Variants in TUSC3 observed in about 807,000 individuals in gnomAD.
TUSC3 encodes dolichyl-diphosphooligosaccharide--protein glycosyltransferase subunit TUSC3.
A neutral mutation model predicts 44.8 loss-of-function variants in TUSC3; 45 were observed. The observed-to-expected ratio is 1.00, with a 90% CI of 0.79 to 1.29. The LOEUF is 1.29. TUSC3 is among the 50% of genes most tolerant of loss of function. The pLI, the probability that TUSC3 is intolerant of heterozygous loss-of-function variation, is 0.00. For synonymous variants in TUSC3, 212 were observed against 152.9 expected (o/e 1.39, Z -2.85); for missense variants, 519 against 437.9 (o/e 1.19, Z -1.65).
Position 15,432,135 on chromosome 8 carries a change from T to C in TUSC3, n.91+14830T>C, listed in dbSNP as rs182262723. On this transcript the variant is annotated intron_variant and non_coding_transcript_variant, in intron 1 of 5. Coordinates refer to the TUSC3 transcript ENST00000503191. ...TAAAACTGGTCTCATAAAATGAGTATGGAAGTGTTCCTCCTCCTCAATCAT... is the reference window on the plus strand; with the variant it reads ...TAAAACTGGTCTCATAAAATGAGTACGGAAGTGTTCCTCCTCCTCAATCAT... Among the ~76,000 whole-genome samples the C allele has an allele frequency of 4.5e-3, 684 of 152,142 alleles. 6 individuals carry two copies. Among genetic ancestry groups the C allele is most frequent in the African/African-American group, 0.016 (665 of 41,538 alleles).
At chr8:15,623,305 T>C in intron 2 of TUSC3, 56 bp downstream of exon 2, 1 of 1,452,226 alleles carries the variant, frequency 6.9e-7, no homozygotes, top group South Asian at 1.5e-5. Context: ...TACATATATA[T>C]TTTTATGTTC....
Position 15,706,925 on chromosome 8 carries a change from A to C in TUSC3, c.799-23741A>C, listed in dbSNP as rs149568678. Among the ~76,000 whole-genome samples the C allele has an allele frequency of 2.0e-5, 3 of 151,980 alleles. No homozygotes were observed. In the East Asian group the frequency reaches 5.8e-4, roughly 29 times the overall value. On this transcript the variant is annotated intron_variant, in intron 6 of 10. Transcript: ENST00000503731. ...GCAAGAAGTTCATTCAGCCACCCAG[A>C]GCAACATAAAAAACTGATAATTAGG... is the stretch of plus-strand genomic sequence containing the variant.
intron 1 of TUSC3, among the ~76,000 whole-genome samples, chr8:15,460,958 G>C (rs562730800): frequency 1.3e-5 from 2 of 152,270 alleles, no homozygotes; most frequent in Non-Finnish European, 2.9e-5. Context: ...AAATCAGGTA[G>C]TGTGATGCCT....
At chr8:15,839,521 A>C in the TUSC3 span, among the ~76,000 whole-genome samples, 1 of 150,442 alleles carries the variant, frequency 6.6e-6, no homozygotes, top group African/African-American at 2.4e-5. Context: ...ACTCAAACAA[A>C]TTTACAAGAA....
At chr8:15,434,785 G>A (rs1799924528) in intron 1 of TUSC3, among the ~76,000 whole-genome samples, 1 of 151,872 alleles carries the variant, frequency 6.6e-6, no homozygotes, top group South Asian at 2.1e-4. Context: ...AACATGTGGT[G>A]TTTGGTTTTT....
the TUSC3 span, among the ~76,000 whole-genome samples, chr8:15,807,942 T>G: frequency 3.3e-5 from 5 of 152,154 alleles, no homozygotes; most frequent in African/African-American, 1.2e-4. Flanking sequence ...GACAGAGCAT[T>G]TGCATCCCCA....
rs557083778 is a variant in TUSC3, at chr8:15,553,834, G to A, written c.138+13266G>A. Among the ~76,000 whole-genome samples, 87 of 151,848 alleles carry A rather than the reference G, an allele frequency of 5.7e-4. 1 individual carries two copies. The South Asian group carries it at 0.018, about 31-fold the overall frequency. ...AGGTGACTGAGAAGGTAGGAGGAAG[G>A]AATGGGAAGTGGAGAACAGCTGACA... On this transcript the variant is annotated intron_variant, in intron 1 of 10. Transcript: ENST00000503731.
chr8:15,836,294 G>T, the TUSC3 span, among the ~76,000 whole-genome samples: 2 of 150,978 alleles, frequency 1.3e-5, no homozygotes, highest in Non-Finnish European at 2.9e-5. Context: ...TGACCATTGT[G>T]GTGAAACTCT....
At chr8:15,418,877 A>T (rs909140831) in intron 1 of TUSC3, among the ~76,000 whole-genome samples, 15 of 152,136 alleles carry the variant, frequency 9.9e-5, no homozygotes, top group African/African-American at 3.6e-4. Flanking sequence ...ATGGTGGCAC[A>T]TGCCTGTAGT....
the TUSC3 span, among the ~76,000 whole-genome samples, chr8:15,794,802 A>G: frequency 6.6e-6 from 1 of 152,174 alleles, no homozygotes; most frequent in Admixed American, 6.5e-5. Flanking sequence ...CCTTTATTAT[A>G]CGAGACAGCA....
the TUSC3 span, among the ~76,000 whole-genome samples, chr8:15,798,697 C>T: frequency 6.6e-6 from 1 of 152,064 alleles, no homozygotes; most frequent in Non-Finnish European, 1.5e-5. Flanking sequence ...AACTCATCAG[C>T]AGTCACACTG....
chr8:15,827,315 T>C, the TUSC3 span, among the ~76,000 whole-genome samples: 1 of 152,202 alleles, frequency 6.6e-6, no homozygotes, highest in African/African-American at 2.4e-5. Context: ...CTGAAGACAT[T>C]AAAAAATATT....
chr8:15,657,999 T>C (rs764788388), intron 3 of TUSC3, among the ~76,000 whole-genome samples: 72 of 152,198 alleles, frequency 4.7e-4, no homozygotes, highest in Non-Finnish European at 9.3e-4. Flanking sequence ...TGCACTTTTA[T>C]AATAGCACTC....
At chr8:15,703,068 A>G (rs1809470293) in intron 6 of TUSC3, among the ~76,000 whole-genome samples, 1 of 152,144 alleles carries the variant, frequency 6.6e-6, no homozygotes, top group Non-Finnish European at 1.5e-5. Flanking sequence ...TGCTGTAGGG[A>G]AAAACTGCTG....
At chr8:15,442,033 C>A (rs1800027610) in intron 1 of TUSC3, among the ~76,000 whole-genome samples, 1 of 152,176 alleles carries the variant, frequency 6.6e-6, no homozygotes, top group Non-Finnish European at 1.5e-5. Context: ...AATCATATAA[C>A]TGACTGGGCT....
intron 10 of TUSC3, 137 bp downstream of exon 10, chr8:15,757,992 A>T: frequency 6.8e-7 from 1 of 1,466,734 alleles, no homozygotes; most frequent in Non-Finnish European, 9.0e-7. Flanking sequence ...GTGAGATTCC[A>T]TATTCCAGTC....
intron 1 of TUSC3, among the ~76,000 whole-genome samples, chr8:15,446,251 C>A (rs1214019583): frequency 6.6e-6 from 1 of 151,522 alleles, no homozygotes. Flanking sequence ...GATGGGATGG[C>A]GGCCGGGAAG....
At chr8:15,446,913 A>AAAG (rs3988425) in intron 1 of TUSC3, among the ~76,000 whole-genome samples, 1 of 151,072 alleles carries the variant, frequency 6.6e-6, no homozygotes, top group East Asian at 2.0e-4. Context: ...AAAAAAACAA[A>AAAG]GGAGGTAAAA....
intron 1 of TUSC3, among the ~76,000 whole-genome samples, chr8:15,431,557 GA>G (rs2129116895): frequency 1.3e-5 from 2 of 150,948 alleles, no homozygotes; most frequent in South Asian, 4.1e-4. Context: ...TCATGGATTA[GA>G]TTTAACAGTG....
Sources: gnomAD v4.1 joint callset for allele counts (sites outside exome capture counted in the v4.1 genomes callset) on GRCh38, gnomAD v4.1.1 for gene constraint, MANE v1.5 for transcripts, NCBI Gene and HGNC (gene_info 2026-07-23, HGNC 2026-07-21) for gene names.